The following NAA11 variants were observed in gnomAD, a reference collection of about 807,000 sequenced individuals.
NAA11 encodes the protein N-alpha-acetyltransferase 11.
Under a neutral mutation model 16.1 loss-of-function variants are expected in NAA11, and 15 were observed. The ratio of observed to expected loss-of-function variants is 0.93; its 90% CI spans 0.62 to 1.44. The LOEUF (loss-of-function observed/expected upper bound fraction) is 1.44. Among genes scored for constraint, NAA11 ranks in the 40% most tolerant of loss-of-function variants. NAA11 has a pLI of 0.00. For missense variants in NAA11, 298 were observed against 291.3 expected, an observed-to-expected ratio of 1.02 and a Z score of -0.17; for synonymous variants, 122 against 112.4, an observed-to-expected ratio of 1.09 and a Z score of -0.54.
chr4:79,211,979 A>G, the NAA11 span, among the ~76,000 whole-genome samples: 1 of 152,214 alleles, frequency 6.6e-6, no homozygotes, highest in Non-Finnish European at 1.5e-5. Flanking sequence ...AAGCTTAAAA[A>G]GACTCTGCCA....
chr4:79,307,992 G>A (rs1485728590), intron 1 of NAA11, among the ~76,000 whole-genome samples: 2 of 151,954 alleles, frequency 1.3e-5, no homozygotes, highest in East Asian at 1.9e-4. Flanking sequence ...TAATTCCATG[G>A]ATATGAAATT....
chr4:79,202,785 G>A, the NAA11 span, among the ~76,000 whole-genome samples: 3 of 150,084 alleles, frequency 2.0e-5, no homozygotes, highest in Non-Finnish European at 4.5e-5. Context: ...ACAGTTGAAA[G>A]CTAAAGTTAA....
chr4:79,317,198 A>C lies in NAA11; in HGVS notation c.*606T>G, dbSNP rs1723950730. The C allele has an allele frequency of 6.6e-6, 1 of 152,160 alleles. No individual in the cohort carries two copies. The highest frequency in any genetic ancestry group is 1.5e-5 in the Non-Finnish European group (1 of 68,040). 9.4% of individuals were successfully genotyped at this position (152,160 alleles called of 1,614,324 possible). On this transcript the variant is annotated 3_prime_UTR_variant, in exon 2 of 2. Transcript: ENST00000286794. ...ATTGTACAGTAGAAGCTCCTAACTT[A>C]ACACCTTTTCCCACTGGGAAGGTGA...
At chr4:79,309,771 A>G (rs1723709385) in intron 1 of NAA11, among the ~76,000 whole-genome samples, 1 of 124,832 alleles carries the variant, frequency 8.0e-6, no homozygotes, top group African/African-American at 3.1e-5. Context: ...GCTGGAATGC[A>G]GTGGCACAAT....
chr4:79,178,592 A>G, the NAA11 span, among the ~76,000 whole-genome samples: 3 of 152,214 alleles, frequency 2.0e-5, no homozygotes, highest in African/African-American at 7.2e-5. Context: ...GATACTATGA[A>G]TATCATTTTA....
intron 2 of NAA11, among the ~76,000 whole-genome samples, chr4:79,249,567 A>G (rs1212812113): frequency 2.0e-5 from 3 of 152,224 alleles, no homozygotes; most frequent in Non-Finnish European, 2.9e-5. Context: ...AATATAAAGA[A>G]AAAGCAGTAA....
chr4:79,178,445 A>G, the NAA11 span, among the ~76,000 whole-genome samples: 1 of 152,228 alleles, frequency 6.6e-6, no homozygotes, highest in African/African-American at 2.4e-5. Flanking sequence ...CAAGTCCTAG[A>G]GAATAGTTCA....
Position 79,311,342 on chromosome 4 carries a change from GAACA to G in NAA11, c.*12+13830_*12+13833del, listed in dbSNP as rs750213902. ...AGTAATAAAAAATACTTTTTTTCTT[GAACA>G]AACAGAGGATCCAATACAACTGTCA... On this transcript the variant is annotated intron_variant and NMD_transcript_variant, in intron 1 of 2. Coordinates refer to the NAA11 transcript ENST00000511542. Among the ~76,000 whole-genome samples the G allele has an allele frequency of 1.3e-3, 191 of 151,966 alleles. 1 individual carries two copies. Among genetic ancestry groups the G allele is most frequent in the African/African-American group, 3.4e-3 (141 of 41,460 alleles).
rs367923810 is a variant in NAA11, at chr4:79,257,894, TAGAC to T, written c.*123-31628_*123-31625del. 4.4e-4 allele frequency among the ~76,000 whole-genome samples: 67 copies of T among 152,398 alleles called. No homozygotes were observed. The South Asian group carries it at 5.0e-3, about 11-fold the overall frequency. On this transcript the variant is annotated intron_variant and NMD_transcript_variant, in intron 2 of 2. Coordinates refer to the NAA11 transcript ENST00000511542. ...TTTTAGTTTAATCTTATTTGTTAAA[TAGAC>T]AGATAAATTTGTCTATATGTAATCA...
intron 2 of NAA11, among the ~76,000 whole-genome samples, chr4:79,254,245 C>T (rs1578164629): frequency 6.6e-6 from 1 of 152,232 alleles, no homozygotes; most frequent in East Asian, 1.9e-4. Context: ...GGGTCCCTAG[C>T]AGCCTGTCAT....
the NAA11 span, among the ~76,000 whole-genome samples, chr4:79,188,521 C>T: frequency 1.3e-5 from 2 of 151,294 alleles, no homozygotes; most frequent in African/African-American, 4.9e-5. Context: ...AGGGGCGGAG[C>T]TTGCAGTGAG....
chr4:79,273,535 G>A (rs2129132), intron 2 of NAA11, among the ~76,000 whole-genome samples: 65,106 of 151,622 alleles, frequency 0.43, 14,470 homozygotes, highest in Middle Eastern at 0.52. Context: ...ATGTTGTATC[G>A]GCAAGGAGGT....
At chr4:79,320,818 A>G (rs1330594634) in intron 1 of NAA11, among the ~76,000 whole-genome samples, 1 of 152,198 alleles carries the variant, frequency 6.6e-6, no homozygotes, top group Non-Finnish European at 1.5e-5. Context: ...TTCTATAGGT[A>G]TTTGAACTCC....
At chr4:79,314,850 A>G (rs2110013282), downstream of NAA11, among the ~76,000 whole-genome samples, 1 of 152,188 alleles carries the variant, frequency 6.6e-6, no homozygotes, top group East Asian at 1.9e-4. Flanking sequence ...ATATCAAAGC[A>G]TCCTAATAGA....
chr4:79,224,481 T>C (rs942145561), downstream of NAA11, among the ~76,000 whole-genome samples: 2 of 152,042 alleles, frequency 1.3e-5, no homozygotes, highest in Non-Finnish European at 2.9e-5. Flanking sequence ...CTAAACATGA[T>C]TCTATGATTC....
At chr4:79,155,689 C>T in the NAA11 span, among the ~76,000 whole-genome samples, 1 of 152,302 alleles carries the variant, frequency 6.6e-6, no homozygotes, top group African/African-American at 2.4e-5. Flanking sequence ...TAATACACAT[C>T]TGGATAGTCA....
chr4:79,263,713 G>A (rs1722285202), intron 2 of NAA11, among the ~76,000 whole-genome samples: 2 of 151,920 alleles, frequency 1.3e-5, no homozygotes, highest in East Asian at 1.9e-4. Context: ...CTCCTATTCC[G>A]TTCACTTAGC....
intron 2 of NAA11, among the ~76,000 whole-genome samples, chr4:79,228,632 T>G (rs1490992591): frequency 6.6e-6 from 1 of 152,026 alleles, no homozygotes; most frequent in Non-Finnish European, 1.5e-5. Context: ...CATGTTTCTG[T>G]GTGCCTTAGT....
chr4:79,263,468 G>A (rs1214188943), intron 2 of NAA11, among the ~76,000 whole-genome samples: 1 of 152,138 alleles, frequency 6.6e-6, no homozygotes, highest in Non-Finnish European at 1.5e-5. Flanking sequence ...AGAATTCTTG[G>A]GCTAACTGAA....
Sources: gnomAD v4.1 joint callset for allele counts (sites outside exome capture counted in the v4.1 genomes callset) on GRCh38, gnomAD v4.1.1 for gene constraint, MANE v1.5 for transcripts, NCBI Gene and HGNC (gene_info 2026-07-23, HGNC 2026-07-21) for gene names.